Variants in HIVEP3 observed in about 807,000 individuals in gnomAD.
HIVEP3 encodes HIVEP zinc finger 3, also known as transcription factor HIVEP3.
Under a neutral mutation model 152.8 loss-of-function variants are expected in HIVEP3, and 49 were observed. The observed-to-expected ratio is 0.32, with a 90% CI of 0.26 to 0.41. The LOEUF (loss-of-function observed/expected upper bound fraction) is 0.41. HIVEP3 is among the 10% of genes least tolerant of loss of function. The pLI is 1.00. For synonymous variants in HIVEP3, 1,269 were observed against 1,289.0 expected, an observed-to-expected ratio of 0.98 and a Z score of 0.33; for missense variants, 2,790 against 3,103.3, an observed-to-expected ratio of 0.90 and a Z score of 2.40.
At chr1:41,893,475 A>T (rs1007357507) in intron 1 of HIVEP3, among the ~76,000 whole-genome samples, 1 of 152,142 alleles carries the variant, frequency 6.6e-6, no homozygotes, top group Admixed American at 6.5e-5. Context: ...ATCGCTACCT[A>T]GTGGGCCCTG....
At chr1:41,660,272 G>A (rs1645693517) in intron 2 of HIVEP3, among the ~76,000 whole-genome samples, 1 of 152,198 alleles carries the variant, frequency 6.6e-6, no homozygotes, top group Admixed American at 6.5e-5. Flanking sequence ...AACTTTACAT[G>A]CTAAAGTCTT....
intron 1 of HIVEP3, among the ~76,000 whole-genome samples, chr1:41,868,081 T>C (rs1644011773): frequency 1.3e-5 from 2 of 152,192 alleles, no homozygotes; most frequent in African/African-American, 2.4e-5. Context: ...CTGGCTGGCC[T>C]CAGTGCCTCC....
At chr1:41,825,180 G>A (rs975566260) in intron 1 of HIVEP3, among the ~76,000 whole-genome samples, 2 of 152,088 alleles carry the variant, frequency 1.3e-5, no homozygotes, top group Non-Finnish European at 2.9e-5. Context: ...TTGGAGTTAC[G>A]AGCAATTTTT....
At chr1:41,712,446 A>G (rs1172278060) in intron 1 of HIVEP3, among the ~76,000 whole-genome samples, 1 of 152,262 alleles carries the variant, frequency 6.6e-6, no homozygotes, top group African/African-American at 2.4e-5. Flanking sequence ...ATGAAGAGGT[A>G]GAGAATGTAA....
chr1:41,702,913 C>T (rs779153085), intron 1 of HIVEP3, among the ~76,000 whole-genome samples: 2 of 152,206 alleles, frequency 1.3e-5, no homozygotes, highest in Non-Finnish European at 2.9e-5. Context: ...AGCCAGGCTG[C>T]AGGACTGCTA....
intron 1 of HIVEP3, among the ~76,000 whole-genome samples, chr1:41,863,892 A>G (rs1315593905): frequency 6.6e-6 from 1 of 152,228 alleles, no homozygotes; most frequent in African/African-American, 2.4e-5. Context: ...ATTGCAGGAA[A>G]TGAGCAAATA....
chr1:41,535,893 T>C (rs1054641663), intron 5 of HIVEP3: 4 of 151,452 alleles, frequency 2.6e-5, no homozygotes, highest in Non-Finnish European at 5.9e-5. Flanking sequence ...TATGATCTAG[T>C]GTGATGTCCT....
intron 1 of HIVEP3, among the ~76,000 whole-genome samples, chr1:41,893,860 A>AATTATAT (rs908150485): frequency 6.8e-6 from 1 of 147,292 alleles, no homozygotes; most frequent in East Asian, 1.9e-4. Context: ...AATATGAAAA[A>AATTATAT]ATTATATATT....
At chr1:41,686,185 C>G (rs887017785) in intron 2 of HIVEP3, among the ~76,000 whole-genome samples, 1 of 152,096 alleles carries the variant, frequency 6.6e-6, no homozygotes, top group African/African-American at 2.4e-5. Context: ...GATTCTCATG[C>G]CTCAGTCTCC....
chr1:41,856,579 A>G (rs181410101), intron 1 of HIVEP3, among the ~76,000 whole-genome samples: 1 of 152,356 alleles, frequency 6.6e-6, no homozygotes, highest in East Asian at 1.9e-4. Flanking sequence ...CAAGGTGTGC[A>G]GAAGTTGAAG....
chr1:41,983,727 CCT>C (rs1397408429), intron 1 of HIVEP3, among the ~76,000 whole-genome samples: 1 of 152,096 alleles, frequency 6.6e-6, no homozygotes, highest in African/African-American at 2.4e-5. Flanking sequence ...ACCAGATCCA[CCT>C]CTTTCTCAGC....
At chr1:41,597,494 A>T (rs1016067007) in intron 3 of HIVEP3, among the ~76,000 whole-genome samples, 1 of 152,108 alleles carries the variant, frequency 6.6e-6, no homozygotes, top group African/African-American at 2.4e-5. Context: ...ACGCAAATTC[A>T]CTCATTTATT....
At chr1:41,894,412 C>T (rs1282298358) in intron 1 of HIVEP3, among the ~76,000 whole-genome samples, 1 of 152,208 alleles carries the variant, frequency 6.6e-6, no homozygotes, top group Non-Finnish European at 1.5e-5. Context: ...TCAAAGTTTA[C>T]ATTTATTATC....
chr1:41,786,000 A>G (rs973027627), intron 1 of HIVEP3, among the ~76,000 whole-genome samples: 2 of 151,766 alleles, frequency 1.3e-5, no homozygotes, highest in Non-Finnish European at 2.9e-5. Context: ...CTCTGTCTCA[A>G]AAAAAAAATT....
chr1:41,551,160 T>TA (rs1643889652), intron 5 of HIVEP3, among the ~76,000 whole-genome samples: 1 of 152,230 alleles, frequency 6.6e-6, no homozygotes, highest in Non-Finnish European at 1.5e-5. Context: ...ATGGTTCTGT[T>TA]TATGTGATGG....
At chr1:41,690,271 A>G (rs1646176795) in intron 2 of HIVEP3, among the ~76,000 whole-genome samples, 1 of 152,186 alleles carries the variant, frequency 6.6e-6, no homozygotes, top group Admixed American at 6.5e-5. Context: ...GAGAAAGAAG[A>G]TGGCATTTGA....
At chr1:41,647,071 C>T (rs934704186) in intron 2 of HIVEP3, among the ~76,000 whole-genome samples, 2 of 152,200 alleles carry the variant, frequency 1.3e-5, no homozygotes, top group South Asian at 2.1e-4. Flanking sequence ...CTTAAAGGCC[C>T]TTGAGATTCC....
At chr1:41,710,380 C>A (rs921711061) in intron 1 of HIVEP3, among the ~76,000 whole-genome samples, 3 of 152,180 alleles carry the variant, frequency 2.0e-5, no homozygotes, top group African/African-American at 7.2e-5. Context: ...GCAGCCAACA[C>A]CATTTCTAAG....
At chr1:41,815,774 G>A (rs1475106194) in intron 1 of HIVEP3, among the ~76,000 whole-genome samples, 20 of 148,604 alleles carry the variant, frequency 1.3e-4, no homozygotes, top group African/African-American at 4.7e-4. Flanking sequence ...TTTTATTGTT[G>A]TTGTTGTTTT....
Sources: allele counts gnomAD v4.1 joint callset (sites outside exome capture counted in the v4.1 genomes callset), GRCh38; gene constraint gnomAD v4.1.1; transcripts MANE v1.5; gene names NCBI Gene and HGNC (gene_info 2026-07-23, HGNC 2026-07-21).